The following SAMD4A variants were observed in gnomAD, a reference collection of about 807,000 sequenced individuals.
The protein encoded by SAMD4A is sterile alpha motif domain containing 4A.
SAMD4A carries 33 observed loss-of-function variants against 81.3 expected under a neutral mutation model. The ratio of observed to expected loss-of-function variants is 0.41; its 90% CI spans 0.31 to 0.54. The LOEUF (loss-of-function observed/expected upper bound fraction) is 0.54. Ranked by LOEUF, SAMD4A falls within the 20% of genes least tolerant of loss-of-function variation. SAMD4A has a pLI of 0.37. For synonymous variants in SAMD4A, 389 were observed against 382.1 expected, an observed-to-expected ratio of 1.02 and a Z score of -0.21; for missense variants, 854 against 951.1, an observed-to-expected ratio of 0.90 and a Z score of 1.34.
intron 2 of SAMD4A, among the ~76,000 whole-genome samples, chr14:54,651,912 T>C (rs965710282): frequency 3.3e-5 from 5 of 152,230 alleles, no homozygotes; most frequent in African/African-American, 9.6e-5. Context: ...ACTTTGGTAA[T>C]TGTAAACCAT....
At chr14:54,611,287 C>G (rs1195125129) in intron 2 of SAMD4A, among the ~76,000 whole-genome samples, 11 of 152,184 alleles carry the variant, frequency 7.2e-5, no homozygotes, top group Admixed American at 7.2e-4. Flanking sequence ...AGCATATTCC[C>G]TCTTTCCCCC....
At chr14:54,776,041 A>T (rs113515100) in intron 10 of SAMD4A, among the ~76,000 whole-genome samples, 145 of 142,886 alleles carry the variant, frequency 1.0e-3, no homozygotes, top group African/African-American at 3.5e-3. Context: ...AAAAAAAAAA[A>T]ATCAGAGCCC....
At chr14:54,700,138 C>T (rs561774018) in intron 2 of SAMD4A, among the ~76,000 whole-genome samples, 2 of 152,310 alleles carry the variant, frequency 1.3e-5, no homozygotes, top group South Asian at 2.1e-4. Context: ...ATTGCTCTAA[C>T]ATGATTCCAG....
intron 2 of SAMD4A, among the ~76,000 whole-genome samples, chr14:54,575,867 C>T (rs2140125605): frequency 6.6e-6 from 1 of 152,246 alleles, no homozygotes; most frequent in South Asian, 2.1e-4. Flanking sequence ...CCTCTCACAG[C>T]CTGCACTGAG....
intron 3 of SAMD4A, among the ~76,000 whole-genome samples, chr14:54,715,342 T>C (rs930586676): frequency 2.0e-5 from 3 of 152,128 alleles, no homozygotes; most frequent in Non-Finnish European, 2.9e-5. Flanking sequence ...GCTTCCAAAG[T>C]AGAATCTTCA....
chr14:54,672,047 G>A (rs1227977862), intron 2 of SAMD4A, among the ~76,000 whole-genome samples: 1 of 141,438 alleles, frequency 7.1e-6, no homozygotes, highest in Non-Finnish European at 1.5e-5. Context: ...TTTCTTCAGG[G>A]TATAGTCAGC....
intron 2 of SAMD4A, chr14:54,693,292 A>G (rs910646016): frequency 6.6e-6 from 1 of 152,060 alleles, no homozygotes; most frequent in African/African-American, 2.4e-5. Flanking sequence ...GGTACCTACT[A>G]TTGTTTATAG....
intron 3 of SAMD4A, among the ~76,000 whole-genome samples, chr14:54,709,721 T>A (rs2036943800): frequency 6.6e-6 from 1 of 152,202 alleles, no homozygotes; most frequent in African/African-American, 2.4e-5. Flanking sequence ...GTGACAAACC[T>A]TACACAAGGC....
chr14:54,611,950 T>G (rs955116524), intron 2 of SAMD4A, among the ~76,000 whole-genome samples: 2 of 151,766 alleles, frequency 1.3e-5, no homozygotes, highest in African/African-American at 4.8e-5. Flanking sequence ...CAGAGATAGA[T>G]CTACTCAAAC....
intron 2 of SAMD4A, among the ~76,000 whole-genome samples, chr14:54,645,181 G>T (rs1211531880): frequency 1.3e-5 from 2 of 152,172 alleles, no homozygotes; most frequent in African/African-American, 4.8e-5. Context: ...AAAAGGTAAA[G>T]TTTGGACAGT....
At chr14:54,713,550 C>T (rs1019454878) in intron 3 of SAMD4A, among the ~76,000 whole-genome samples, 5 of 152,270 alleles carry the variant, frequency 3.3e-5, no homozygotes, top group African/African-American at 1.2e-4. Context: ...AAACTTTGGA[C>T]CATTTCCACA....
intron 4 of SAMD4A, among the ~76,000 whole-genome samples, chr14:54,739,096 A>C (rs1201800602): frequency 1.8e-5 from 2 of 111,966 alleles, no homozygotes; most frequent in Non-Finnish European, 3.3e-5. Context: ...GCACACTTTC[A>C]ACATTCTCCC....
chr14:54,666,042 T>C (rs1284396307), intron 2 of SAMD4A, among the ~76,000 whole-genome samples: 1 of 152,094 alleles, frequency 6.6e-6, no homozygotes, highest in Non-Finnish European at 1.5e-5. Context: ...AAGAGAGACT[T>C]TTTGGTTCTT....
chr14:54,792,173 T>A lies in SAMD4A; in HGVS notation c.*3229T>A, dbSNP rs189972469. The A allele has an allele frequency of 4.6e-5, 7 of 152,342 alleles. No homozygotes were observed. The highest frequency in any genetic ancestry group is 4.6e-4 in the Admixed American group (7 of 15,304). 9.4% of individuals were successfully genotyped at this position (152,342 alleles called of 1,614,324 possible). A position where few individuals can be genotyped will look rare whatever the true frequency, so the allele number is the denominator to read the frequency against. Reference sequence around the variant, plus strand: ...TGTTTTTTCACATGCTTTTGAGTTTTCACTTTTTAAACGAGAGCCAGCAAG... The same window carrying A: ...TGTTTTTTCACATGCTTTTGAGTTTACACTTTTTAAACGAGAGCCAGCAAG... On this transcript the variant is annotated 3_prime_UTR_variant, in exon 13 of 13. Coordinates refer to ENST00000554335, the MANE Select transcript of SAMD4A (RefSeq NM_015589.6).
rs533680833 is a variant in SAMD4A at position 54,747,836 on chromosome 14, T to G, written c.980-979T>G. 3.3e-5 allele frequency among the ~76,000 whole-genome samples: 5 copies of G among 152,320 alleles called. No homozygotes were observed. The South Asian group carries it at 8.3e-4, about 25-fold the overall frequency. On this transcript the variant is annotated intron_variant, in intron 4 of 12. Transcript: ENST00000554335. ...CGCCATCTTTAGAATGATCTAGGGA[T>G]GAGGGAAGATGATTCTGGAAACTTT... is the stretch of plus-strand genomic sequence containing the variant.
intron 2 of SAMD4A, chr14:54,687,454 A>G (rs935739814): frequency 2.4e-6 from 1 of 414,772 alleles, no homozygotes; most frequent in African/African-American, 2.1e-5. Flanking sequence ...AAAAACAAAC[A>G]AAAAAAGGCA....
chr14:54,571,864 C>G (rs1014522170), intron 2 of SAMD4A, among the ~76,000 whole-genome samples: 1 of 152,078 alleles, frequency 6.6e-6, no homozygotes, highest in African/African-American at 2.4e-5. Flanking sequence ...TTTGTGTAAA[C>G]TTGCTGTCAT....
chr14:54,701,830 A>G (rs1272440635), intron 2 of SAMD4A, among the ~76,000 whole-genome samples: 2 of 152,230 alleles, frequency 1.3e-5, no homozygotes, highest in African/African-American at 2.4e-5. Context: ...AACACGAATG[A>G]GAATTTGATT....
intron 2 of SAMD4A, among the ~76,000 whole-genome samples, chr14:54,613,098 A>G (rs1348481993): frequency 1.3e-5 from 2 of 151,276 alleles, no homozygotes; most frequent in Non-Finnish European, 2.9e-5. Context: ...GCCTGGTGAC[A>G]GAGCGAGACT....
Sources: gnomAD v4.1 joint callset for allele counts (sites outside exome capture counted in the v4.1 genomes callset) on GRCh38, gnomAD v4.1.1 for gene constraint, MANE v1.5 for transcripts, NCBI Gene and HGNC (gene_info 2026-07-23, HGNC 2026-07-21) for gene names.